The following PHF24 variants were observed in gnomAD, a reference collection of about 807,000 sequenced individuals.
PHF24 encodes PHD finger protein 24.
Under a neutral mutation model 42.6 loss-of-function variants are expected in PHF24, and 25 were observed. The observed-to-expected ratio is 0.59, with a 90% CI of 0.43 to 0.82. The LOEUF (loss-of-function observed/expected upper bound fraction) is 0.82. Ranked by LOEUF, PHF24 falls within the 40% of genes least tolerant of loss-of-function variation. The probability of loss-of-function intolerance (pLI) is 0.00; values close to 1 mark genes in which losing one functional copy is unlikely to be tolerated. For missense variants in PHF24, 470 were observed against 538.1 expected (o/e 0.87, Z 1.25); for synonymous variants, 185 against 204.8 (o/e 0.90, Z 0.83).
chr9:34,739,129 GAGA>G, the PHF24 span, among the ~76,000 whole-genome samples: 15 of 152,286 alleles, frequency 9.8e-5, no homozygotes, highest in African/African-American at 3.6e-4. Context: ...TGATTTTCTA[GAGA>G]AGGAGTAAGA....
the PHF24 span, among the ~76,000 whole-genome samples, chr9:34,927,384 T>C: frequency 6.6e-6 from 1 of 151,976 alleles, no homozygotes; most frequent in East Asian, 1.9e-4. Flanking sequence ...GCTTCAGAGT[T>C]TGCTCTTTTC....
At chr9:34,682,944 A>G in the PHF24 span, among the ~76,000 whole-genome samples, 1 of 152,226 alleles carries the variant, frequency 6.6e-6, no homozygotes, top group African/African-American at 2.4e-5. Context: ...GCTTGGGGCA[A>G]TAGTACAAAT....
chr9:34,971,169 C>G, intron 1 of PHF24, 126 bp from the exon 2 acceptor site: 2 of 935,536 alleles, frequency 2.1e-6, no homozygotes, highest in Non-Finnish European at 3.1e-6. Context: ...TGTGCTGTCT[C>G]CACCCCCACC....
At chr9:34,719,630 G>A in the PHF24 span, among the ~76,000 whole-genome samples, 1 of 152,238 alleles carries the variant, frequency 6.6e-6, no homozygotes, top group Non-Finnish European at 1.5e-5. Context: ...GCCTCAGGCA[G>A]GTGGGAGCCT....
the PHF24 span, among the ~76,000 whole-genome samples, chr9:34,783,512 C>G: frequency 6.6e-6 from 1 of 152,164 alleles, no homozygotes; most frequent in Non-Finnish European, 1.5e-5. Flanking sequence ...TAATTAAGCC[C>G]TCTCTATTGC....
chr9:34,738,536 TG>T, the PHF24 span, among the ~76,000 whole-genome samples: 1 of 151,802 alleles, frequency 6.6e-6, no homozygotes, highest in Non-Finnish European at 1.5e-5. Context: ...TTAGTAGAGA[TG>T]GGGTTTCACT....
chr9:34,862,121 G>A, the PHF24 span, among the ~76,000 whole-genome samples: 3 of 152,104 alleles, frequency 2.0e-5, no homozygotes, highest in Admixed American at 6.6e-5. Context: ...CTAGCCAGAG[G>A]GAAATCACCC....
chr9:34,728,886 C>A, the PHF24 span, among the ~76,000 whole-genome samples: 1 of 152,126 alleles, frequency 6.6e-6, no homozygotes, highest in Non-Finnish European at 1.5e-5. Context: ...CCATCTGATT[C>A]ACAGAGAAGT....
the PHF24 span, among the ~76,000 whole-genome samples, chr9:34,804,492 C>T: frequency 1.3e-5 from 2 of 152,106 alleles, no homozygotes; most frequent in African/African-American, 4.8e-5. Context: ...TAAATGGTAA[C>T]TACTAATAGT....
At chr9:34,972,404 C>T (rs1274957003) in exon 3 of PHF24, 3 of 1,613,910 alleles carry the variant, frequency 1.9e-6, no homozygotes, top group East Asian at 2.2e-5. Flanking sequence ...AGCCTCTTCC[C>T]GTGCAGGGTC....
chr9:34,771,939 G>A, the PHF24 span, among the ~76,000 whole-genome samples: 1 of 152,148 alleles, frequency 6.6e-6, no homozygotes, highest in African/African-American at 2.4e-5. Context: ...GACATGCTAG[G>A]ATTTAAGATT....
chr9:34,775,669 A>G, the PHF24 span, among the ~76,000 whole-genome samples: 1 of 152,250 alleles, frequency 6.6e-6, no homozygotes, highest in Non-Finnish European at 1.5e-5. Context: ...TATTTTAAAA[A>G]AATTAATCCT....
chr9:34,763,681 C>A, the PHF24 span, among the ~76,000 whole-genome samples: 1 of 152,024 alleles, frequency 6.6e-6, no homozygotes, highest in African/African-American at 2.4e-5. Flanking sequence ...TAATTGAATA[C>A]CCTTTATTTC....
At chr9:34,681,531 C>T in the PHF24 span, among the ~76,000 whole-genome samples, 8 of 152,308 alleles carry the variant, frequency 5.3e-5, no homozygotes, top group Non-Finnish European at 4.4e-5. Context: ...TTAAATGAGG[C>T]CGGGTGTGGT....
At chr9:34,799,709 T>C in the PHF24 span, among the ~76,000 whole-genome samples, 2 of 152,198 alleles carry the variant, frequency 1.3e-5, no homozygotes, top group Admixed American at 6.5e-5. Flanking sequence ...ACCTCTTATA[T>C]AGAAACATGA....
At chr9:34,851,574 C>T in the PHF24 span, among the ~76,000 whole-genome samples, 6 of 152,212 alleles carry the variant, frequency 3.9e-5, no homozygotes, top group Non-Finnish European at 7.3e-5. Context: ...AATGCCTCGC[C>T]CTGCTTCGGC....
chr9:34,721,132 A>C, the PHF24 span, among the ~76,000 whole-genome samples: 4 of 152,130 alleles, frequency 2.6e-5, no homozygotes, highest in Admixed American at 6.5e-5. Context: ...TTTTTAGCCA[A>C]AGCCAGACTG....
chr9:34,689,911 C>G, the PHF24 span: 28 of 1,613,894 alleles, frequency 1.7e-5, no homozygotes, highest in African/African-American at 3.6e-4. The surrounding 1 kb of genome is among the most constrained non-coding windows in gnomAD (Gnocchi z 4.1). Flanking sequence ...GAGACAGGGC[C>G]AGGGAGGGCC....
At chr9:34,691,925 G>A in the PHF24 span, among the ~76,000 whole-genome samples, 15 of 152,282 alleles carry the variant, frequency 9.9e-5, no homozygotes, top group African/African-American at 3.6e-4. Context: ...AGGAACAGCT[G>A]GAGGGAGACT....
Sources: gnomAD v4.1 joint callset for allele counts (sites outside exome capture counted in the v4.1 genomes callset) on GRCh38, gnomAD v4.1.1 for gene constraint, Gnocchi (gnomAD v3.1) non-coding constraint, MANE v1.5 for transcripts, NCBI Gene and HGNC (gene_info 2026-07-23, HGNC 2026-07-21) for gene names.